Variants in NWD1 observed in about 807,000 individuals in gnomAD.
NWD1 encodes NACHT domain- and WD repeat-containing protein 1.
Under a neutral mutation model 135.1 loss-of-function variants are expected in NWD1, and 129 were observed. The observed-to-expected ratio is 0.96, with a 90% confidence interval of 0.83 to 1.11. The LOEUF is 1.11. Among genes scored for constraint, NWD1 ranks in the 50% least tolerant of loss-of-function variants. The pLI, the probability that NWD1 is intolerant of heterozygous loss-of-function variation, is 0.00. For missense variants in NWD1, 1,740 were observed against 1,851.3 expected, an observed-to-expected ratio of 0.94 and a Z score of 1.10; for synonymous variants, 773 against 786.0, an observed-to-expected ratio of 0.98 and a Z score of 0.28.
chr19:16,751,998 G>A (rs986778165), intron 6 of NWD1, among the ~76,000 whole-genome samples: 1 of 151,588 alleles, frequency 6.6e-6, no homozygotes. Context: ...AGGAAGGAAG[G>A]AAGGAAGCAA....
At position 16,762,088 on chromosome 19, in the gene NWD1, A is replaced by C. The variant is rs762564679; in HGVS notation, c.2083A>C (p.Lys695Gln). Reference sequence around the variant, plus strand: ...AGGGACCTGGAGCCAGGGTACCAAGAAGCTCATCACTCTGCCACTTGTGGG... The same window carrying C: ...AGGGACCTGGAGCCAGGGTACCAAGCAGCTCATCACTCTGCCACTTGTGGG... Reference protein sequence around the residue: ...FSGTWSQGTKKLITLPLVGKP... With the variant: ...FSGTWSQGTKQLITLPLVGKP... Residue 695 changes from lysine (K) to glutamine (Q), a missense_variant, in exon 8 of 19, where the codon AAG becomes CAG. Coordinates refer to ENST00000524140, the MANE Select transcript of NWD1 (RefSeq NM_001007525.5). The C allele has an allele frequency of 5.0e-6, 8 of 1,613,872 alleles. No homozygotes were observed. The highest frequency in any genetic ancestry group is 5.9e-6 in the Non-Finnish European group (7 of 1,179,974).
At chr19:16,809,891 T>C (rs144830696) in intron 18 of NWD1, among the ~76,000 whole-genome samples, 132 of 152,200 alleles carry the variant, frequency 8.7e-4, no homozygotes, top group African/African-American at 2.9e-3. Flanking sequence ...CTGATACTTA[T>C]TGAAAAACCT....
At chr19:16,723,884 C>A (rs778673621) in intron 1 of NWD1, among the ~76,000 whole-genome samples, 1 of 151,800 alleles carries the variant, frequency 6.6e-6, no homozygotes, top group Non-Finnish European at 1.5e-5. Context: ...TTAGTAGAGA[C>A]GGGGTTTCAC....
intron 12 of NWD1, among the ~76,000 whole-genome samples, chr19:16,787,312 A>G (rs1970071655): frequency 1.3e-5 from 2 of 152,098 alleles, no homozygotes; most frequent in African/African-American, 4.8e-5. Context: ...TTGCAAGATT[A>G]TAAAAATGAT....
chr19:16,785,140 T>C (rs1275956951), intron 12 of NWD1, among the ~76,000 whole-genome samples: 1 of 151,972 alleles, frequency 6.6e-6, no homozygotes, highest in East Asian at 1.9e-4. Context: ...GGGTTGCGAA[T>C]GTTCTGGAAC....
At position 16,766,305 on chromosome 19, in the gene NWD1, G is replaced by T. The variant is rs558705401; in HGVS notation, c.2410+1113G>T. ...TAGTCCCAGCTACTTGGGAAGGTGA[G>T]GTGGGAGGATCAATTGAGCCTGGGA... On this transcript the variant is annotated intron_variant, in intron 10 of 18. Coordinates refer to ENST00000524140, the MANE Select transcript of NWD1 (RefSeq NM_001007525.5). 4.0e-4 allele frequency among the ~76,000 whole-genome samples: 61 copies of T among 152,248 alleles called. No homozygotes were observed. The South Asian group carries it at 0.012, about 30-fold the overall frequency.
intron 3 of NWD1, among the ~76,000 whole-genome samples, chr19:16,731,714 C>T (rs1301486926): frequency 6.6e-6 from 1 of 151,640 alleles, no homozygotes; most frequent in Non-Finnish European, 1.5e-5. Context: ...AAGCGATTCT[C>T]TCGCCTCAGC....
chr19:16,802,582 G>A (rs1970635717), intron 17 of NWD1, among the ~76,000 whole-genome samples: 1 of 151,944 alleles, frequency 6.6e-6, no homozygotes, highest in Non-Finnish European at 1.5e-5. Context: ...AAGCAGCCTG[G>A]GGCCCTCACC....
intron 6 of NWD1, among the ~76,000 whole-genome samples, chr19:16,755,776 G>A (rs1022152976): frequency 2.0e-4 from 31 of 151,586 alleles, no homozygotes; most frequent in Middle Eastern, 3.4e-3. Context: ...GGGCTCAAGC[G>A]ATCCTCCCAC....
In NWD1 at chr19:16,762,292, C is replaced by A. The variant is rs369331787; in HGVS notation, c.2133+154C>A. 3.9e-3 allele frequency among the ~76,000 whole-genome samples: 545 copies of A among 138,942 alleles called. 4 individuals carry two copies. The Middle Eastern group carries it at 0.048, about 12-fold the overall frequency. The allele number at this position is 138,942 out of a possible 152,430, so 91.2% of individuals were successfully genotyped here. A position where few individuals can be genotyped will look rare whatever the true frequency, so the allele number is the denominator to read the frequency against. The stretch of plus-strand genomic sequence containing the variant: ...AAGATGTCCCTTCTACTGTCCCCCC[C>A]ACTCCTTTTTTTTTTTTTTTTTGAG... On this transcript the variant is annotated intron_variant, in intron 8 of 18. Transcript: ENST00000524140.
chr19:16,786,451 G>A (rs1376386617), intron 12 of NWD1, among the ~76,000 whole-genome samples: 1 of 152,114 alleles, frequency 6.6e-6, no homozygotes, highest in Non-Finnish European at 1.5e-5. Flanking sequence ...GAGGTAGTGA[G>A]CATGGTACCC....
chr19:16,755,230 G>C (rs148881171), intron 6 of NWD1, among the ~76,000 whole-genome samples: 22 of 151,180 alleles, frequency 1.5e-4, no homozygotes, highest in Non-Finnish European at 3.1e-4. Flanking sequence ...TCTTTTTTGG[G>C]GGGGGACAGG....
rs562311745 is a variant in NWD1 at position 16,748,756 on chromosome 19, G to A, written c.497-383G>A. On this transcript the variant is annotated intron_variant, in intron 5 of 18. Transcript: ENST00000524140. Reference sequence around the variant, plus strand: ...GAAGGATCGCTTGAGCCTAGGAGGCGGAGGTTGCAGTGAGCTAAGATCGCG... The same window carrying A: ...GAAGGATCGCTTGAGCCTAGGAGGCAGAGGTTGCAGTGAGCTAAGATCGCG... Among the ~76,000 whole-genome samples the A allele has an allele frequency of 8.5e-5, 13 of 152,126 alleles. No homozygotes were observed. In the South Asian group the frequency reaches 1.7e-3, roughly 19 times the overall value.
intron 3 of NWD1, among the ~76,000 whole-genome samples, chr19:16,732,881 C>T (rs1967638139): frequency 6.6e-6 from 1 of 151,836 alleles, no homozygotes; most frequent in Admixed American, 6.6e-5. Context: ...TGAGGGCTGC[C>T]TCCTTGCTGC....
intron 4 of NWD1, among the ~76,000 whole-genome samples, chr19:16,740,237 G>A (rs1170942315): frequency 2.0e-5 from 3 of 152,000 alleles, no homozygotes; most frequent in Non-Finnish European, 2.9e-5. Context: ...AGTCTGAGGT[G>A]GCAGTGAACT....
At chr19:16,750,524 A>G in intron 6 of NWD1, 113 bp downstream of exon 6, 3 of 770,888 alleles carry the variant, frequency 3.9e-6, no homozygotes, top group Non-Finnish European at 5.9e-6. Flanking sequence ...GTGTGATCAT[A>G]GCTCACTGCA....
At chr19:16,754,498 A>G (rs1364181687) in intron 6 of NWD1, among the ~76,000 whole-genome samples, 3 of 134,566 alleles carry the variant, frequency 2.2e-5, no homozygotes, top group African/African-American at 6.2e-5. Context: ...CCATCCATCC[A>G]TCCATCCATC....
intron 15 of NWD1, among the ~76,000 whole-genome samples, chr19:16,795,383 C>G (rs1970384291): frequency 6.6e-6 from 1 of 152,080 alleles, no homozygotes; most frequent in South Asian, 2.1e-4. Context: ...GACCCTGAAG[C>G]CCCAGAGGGG....
intron 5 of NWD1, among the ~76,000 whole-genome samples, chr19:16,747,897 T>C (rs893219981): frequency 2.6e-5 from 4 of 152,238 alleles, no homozygotes; most frequent in African/African-American, 9.6e-5. Context: ...CTGTGAGTAC[T>C]TCATCCATTT....
Sources: gnomAD v4.1 joint callset for allele counts (sites outside exome capture counted in the v4.1 genomes callset) on GRCh38, gnomAD v4.1.1 for gene constraint, MANE v1.5 for transcripts, NCBI Gene and HGNC (gene_info 2026-07-23, HGNC 2026-07-21) for gene names.